The following SHISA9 variants were observed in gnomAD, a reference collection of about 807,000 sequenced individuals.
SHISA9 encodes the protein shisa family member 9.
Under a neutral mutation model 38.0 loss-of-function variants are expected in SHISA9, and 13 were observed. The observed-to-expected ratio is 0.34, with a 90% confidence interval of 0.22 to 0.54. The LOEUF is 0.54. Among genes scored for constraint, SHISA9 ranks in the 20% least tolerant of loss-of-function variants. The pLI, the probability that SHISA9 is intolerant of heterozygous loss-of-function variation, is 0.91. For missense variants in SHISA9, 538 were observed against 575.8 expected, an observed-to-expected ratio of 0.93 and a Z score of 0.67; for synonymous variants, 275 against 242.0, an observed-to-expected ratio of 1.14 and a Z score of -1.27.
At position 12,936,058 on chromosome 16, in the gene SHISA9, C is replaced by T. The variant is rs1446937238; in HGVS notation, c.691+19243C>T. 2.0e-5 allele frequency among the ~76,000 whole-genome samples: 3 copies of T among 152,042 alleles called. No homozygotes were observed. In the East Asian group the frequency reaches 5.8e-4, roughly 29 times the overall value. On this transcript the variant is annotated intron_variant, in intron 2 of 4. Transcript: ENST00000558583. Reference sequence around the variant, plus strand: ...CTGACAAATGGAAGGCTTAGAAGTCCAGGTAAGGGAATTTAGAACGGAGTC... The same window carrying T: ...CTGACAAATGGAAGGCTTAGAAGTCTAGGTAAGGGAATTTAGAACGGAGTC...
chr16:13,302,406 C>G, the SHISA9 span, among the ~76,000 whole-genome samples: 2 of 152,150 alleles, frequency 1.3e-5, no homozygotes, highest in African/African-American at 4.8e-5. Context: ...CTCTGAAAGG[C>G]AAACGATGCC....
At chr16:12,919,997 A>G (rs111549061) in intron 2 of SHISA9, among the ~76,000 whole-genome samples, 37,974 of 152,132 alleles carry the variant, frequency 0.25, 5,299 homozygotes, top group Non-Finnish European at 0.31. Context: ...GACTTCCCTG[A>G]CTGCCAGTGA....
the SHISA9 span, among the ~76,000 whole-genome samples, chr16:13,285,694 TAAGTGTAAATGTCAGATAAAGCC>T: frequency 6.6e-6 from 1 of 152,132 alleles, no homozygotes; most frequent in Non-Finnish European, 1.5e-5. Context: ...GACATTATCC[TAAGTGTAAATGTCAGATAAAGCC>T]AAGGCCTGGC....
intron 4 of SHISA9, among the ~76,000 whole-genome samples, chr16:13,231,219 A>G (rs4386121): frequency 0.19 from 29,240 of 152,024 alleles, 3,089 homozygotes; most frequent in Admixed American, 0.32. Context: ...TGGCTAAGGG[A>G]TGGGTGGTTC....
intron 2 of SHISA9, among the ~76,000 whole-genome samples, chr16:13,172,349 G>T (rs565323555): frequency 2.0e-5 from 3 of 152,218 alleles, no homozygotes; most frequent in Admixed American, 6.5e-5. Flanking sequence ...AAGTGCACAA[G>T]AAGTCCTTAA....
intron 2 of SHISA9, among the ~76,000 whole-genome samples, chr16:13,069,120 T>C (rs893635424): frequency 6.6e-6 from 1 of 151,974 alleles, no homozygotes; most frequent in African/African-American, 2.4e-5. Flanking sequence ...GTACATGCAA[T>C]GTGTATATGC....
the SHISA9 span, among the ~76,000 whole-genome samples, chr16:13,370,093 T>G: frequency 1.1e-4 from 16 of 152,112 alleles, no homozygotes; most frequent in African/African-American, 3.1e-4. Flanking sequence ...ATACATAGAG[T>G]TCACTAGCTG....
At chr16:13,215,490 C>G (rs537451709) in intron 4 of SHISA9, among the ~76,000 whole-genome samples, 166 of 152,270 alleles carry the variant, frequency 1.1e-3, no homozygotes, top group African/African-American at 3.9e-3. Flanking sequence ...TGGAACATGA[C>G]AGACCTCCTA....
chr16:13,260,702 C>G, the SHISA9 span, among the ~76,000 whole-genome samples: 1 of 152,208 alleles, frequency 6.6e-6, no homozygotes, highest in Non-Finnish European at 1.5e-5. Context: ...CTGTCTTCTT[C>G]TGAGCCCTCC....
At chr16:13,552,505 T>C in the SHISA9 span, among the ~76,000 whole-genome samples, 1 of 151,364 alleles carries the variant, frequency 6.6e-6, no homozygotes, top group Non-Finnish European at 1.5e-5. Context: ...TTGTGGCAAG[T>C]GCTTTTGTTA....
chr16:13,088,944 G>A (rs276636), intron 2 of SHISA9, among the ~76,000 whole-genome samples: 1 of 152,060 alleles, frequency 6.6e-6, no homozygotes, highest in Admixed American at 6.5e-5. Context: ...ATTGGCTGTG[G>A]GTTTGTCTTA....
the SHISA9 span, among the ~76,000 whole-genome samples, chr16:13,533,564 C>A: frequency 6.6e-6 from 1 of 152,006 alleles, no homozygotes; most frequent in Non-Finnish European, 1.5e-5. Context: ...TCACCCCACC[C>A]CCACCACCAA....
At chr16:13,442,098 G>A in the SHISA9 span, among the ~76,000 whole-genome samples, 1 of 152,200 alleles carries the variant, frequency 6.6e-6, no homozygotes, top group East Asian at 1.9e-4. Flanking sequence ...GCTTCCAAGT[G>A]GGAGCACATT....
chr16:13,182,505 G>T (rs2050786917), intron 2 of SHISA9, among the ~76,000 whole-genome samples: 1 of 152,182 alleles, frequency 6.6e-6, no homozygotes, highest in African/African-American at 2.4e-5. Context: ...AGGTATAAGG[G>T]TTCTATTTTT....
chr16:13,255,433 T>C, the SHISA9 span, among the ~76,000 whole-genome samples: 1 of 152,238 alleles, frequency 6.6e-6, no homozygotes, highest in African/African-American at 2.4e-5. Flanking sequence ...GTCTTTCTCT[T>C]TCATATACAT....
intron 2 of SHISA9, among the ~76,000 whole-genome samples, chr16:13,035,216 T>C (rs751858007): frequency 4.6e-5 from 7 of 152,200 alleles, no homozygotes; most frequent in Admixed American, 1.3e-4. Flanking sequence ...CATACAACTA[T>C]GTACATTGCT....
the SHISA9 span, among the ~76,000 whole-genome samples, chr16:13,305,697 C>T: frequency 6.6e-6 from 1 of 152,196 alleles, no homozygotes; most frequent in African/African-American, 2.4e-5. Context: ...GAGATGAAGA[C>T]CGCAGCCTTG....
chr16:13,488,416 C>T, the SHISA9 span, among the ~76,000 whole-genome samples: 1 of 152,170 alleles, frequency 6.6e-6, no homozygotes, highest in Non-Finnish European at 1.5e-5. Context: ...ATGAAGTCTT[C>T]TTTATTCTCA....
intron 2 of SHISA9, among the ~76,000 whole-genome samples, chr16:13,141,088 T>C (rs1367160167): frequency 6.6e-6 from 1 of 152,036 alleles, no homozygotes; most frequent in Non-Finnish European, 1.5e-5. Flanking sequence ...TAATTAATCA[T>C]GGAAAATTTA....
Sources: allele counts gnomAD v4.1 joint callset (sites outside exome capture counted in the v4.1 genomes callset), GRCh38; gene constraint gnomAD v4.1.1; transcripts MANE v1.5; gene names NCBI Gene and HGNC (gene_info 2026-07-23, HGNC 2026-07-21).